The following LDAH variants were observed in gnomAD, a reference collection of about 807,000 sequenced individuals.
LDAH encodes the protein lipid droplet associated hydrolase, also known as lipid droplet-associated hydrolase.
LDAH carries 26 observed loss-of-function variants against 29.6 expected under a neutral mutation model. That is an observed-to-expected ratio of 0.88 (90% CI 0.64 to 1.22). The LOEUF (loss-of-function observed/expected upper bound fraction) is 1.22. Among genes scored for constraint, LDAH ranks in the 50% most tolerant of loss-of-function variants. The pLI is 0.00. For missense variants in LDAH, 344 were observed against 387.3 expected, an observed-to-expected ratio of 0.89 and a Z score of 0.94; for synonymous variants, 117 against 133.0, an observed-to-expected ratio of 0.88 and a Z score of 0.83.
rs533740606 is a variant in LDAH, at chr2:20,740,713, T to G, written c.469-508A>C. Among the ~76,000 whole-genome samples, 218 of 152,350 alleles carry G rather than the reference T, an allele frequency of 1.4e-3. 4 individuals carry two copies. The South Asian group carries it at 0.042, about 29-fold the overall frequency. On this transcript the variant is annotated intron_variant, in intron 4 of 6. Transcript: ENST00000237822. ...GGAAATACTGGTTGCTTGTAAGTTT[T>G]GGCAATTATGAATAAAGCTGCTATA...
chr2:20,754,769 T>A lies in LDAH; in HGVS notation c.469-14564A>T, dbSNP rs565993887. 2.2e-3 allele frequency among the ~76,000 whole-genome samples: 330 copies of A among 152,230 alleles called. 3 individuals are homozygous for A. The highest frequency in any genetic ancestry group is 7.5e-3 in the African/African-American group (313 of 41,534). ...AGGATAATCTCTTTTTAAAAAGGAATTATATTCTTCAAAATGTCAGTTTTA... is the reference window on the plus strand; with the variant it reads ...AGGATAATCTCTTTTTAAAAAGGAAATATATTCTTCAAAATGTCAGTTTTA... On this transcript the variant is annotated intron_variant, in intron 4 of 6. Transcript: ENST00000237822.
At chr2:20,710,606 G>GTGTGTGTATATATATATA (rs1467950593) in intron 5 of LDAH, among the ~76,000 whole-genome samples, 1 of 131,874 alleles carries the variant, frequency 7.6e-6, no homozygotes, top group African/African-American at 2.8e-5. Flanking sequence ...GTGTGTGTGT[G>GTGTGTGTATATATATATA]TATATATATA....
At chr2:20,716,390 T>C (rs953209236) in intron 5 of LDAH, among the ~76,000 whole-genome samples, 1 of 152,054 alleles carries the variant, frequency 6.6e-6, no homozygotes, top group African/African-American at 2.4e-5. Context: ...TGGAATACTA[T>C]GCAGCCATAA....
Position 20,790,295 on chromosome 2 carries a change from C to T in LDAH, c.258G>A (p.Ala86=), listed in dbSNP as rs778864553. The change falls in exon 3 of 7, where the codon GCG becomes GCA. Residue 86 remains alanine, a synonymous_variant. Coordinates refer to ENST00000237822, the MANE Select transcript of LDAH (RefSeq NM_021925.4). ...PVWTISHAGH[A]LAPKDKKILT... is the part of the protein sequence containing the mutation. ...GAATCTTCTTGTCTTTGGGAGCCAA[C>T]GCATGCCCAGCATGACTGATAGTCC... 2.9e-5 allele frequency: 46 copies of T among 1,614,016 alleles called. No individual in the cohort carries two copies. Among genetic ancestry groups the T allele is most frequent in the Middle Eastern group, 1.6e-4 (1 of 6,084 alleles).
At chr2:20,756,264 A>G (rs1051373084) in intron 4 of LDAH, among the ~76,000 whole-genome samples, 1 of 151,876 alleles carries the variant, frequency 6.6e-6, no homozygotes, top group African/African-American at 2.4e-5. Flanking sequence ...CGAACTCCTG[A>G]CCTCAGGTGA....
At chr2:20,769,538 T>C (rs987664631) in intron 4 of LDAH, among the ~76,000 whole-genome samples, 10 of 152,198 alleles carry the variant, frequency 6.6e-5, no homozygotes, top group African/African-American at 2.4e-4. Context: ...TAAACCACAG[T>C]CTCAATAATC....
At chr2:20,795,096 A>C (rs1266411514) in intron 2 of LDAH, among the ~76,000 whole-genome samples, 1 of 152,234 alleles carries the variant, frequency 6.6e-6, no homozygotes, top group Non-Finnish European at 1.5e-5. Flanking sequence ...CAGACATGCA[A>C]GTAAAATATT....
At chr2:20,786,945 C>T (rs998854957) in intron 3 of LDAH, among the ~76,000 whole-genome samples, 4 of 152,144 alleles carry the variant, frequency 2.6e-5, no homozygotes, top group African/African-American at 9.7e-5. Context: ...TTCTCTTCCA[C>T]TCCTAACAAA....
chr2:20,757,282 GC>G (rs955245875), intron 4 of LDAH, among the ~76,000 whole-genome samples: 1 of 152,134 alleles, frequency 6.6e-6, no homozygotes, highest in Non-Finnish European at 1.5e-5. Flanking sequence ...GGAATTGTGT[GC>G]CCATAAAAGA....
intron 5 of LDAH, among the ~76,000 whole-genome samples, chr2:20,714,122 T>C (rs1196894450): frequency 6.6e-6 from 1 of 152,148 alleles, no homozygotes; most frequent in African/African-American, 2.4e-5. Context: ...ATTGACCCCA[T>C]AGTTGGAAGT....
rs560922907 is a variant in LDAH, at chr2:20,748,430, A to T, written c.469-8225T>A. ...AAACTTAGCTTCAATATCTTCCTATAGCCCATTCTTCTCAAGCTTTTATCA... is the reference window on the plus strand; with the variant it reads ...AAACTTAGCTTCAATATCTTCCTATTGCCCATTCTTCTCAAGCTTTTATCA... On this transcript the variant is annotated intron_variant, in intron 4 of 6. Coordinates refer to ENST00000237822, the MANE Select transcript of LDAH (RefSeq NM_021925.4). 2.3e-4 allele frequency among the ~76,000 whole-genome samples: 35 copies of T among 152,322 alleles called. No individual in the cohort carries two copies. The South Asian group carries it at 7.2e-3, about 32-fold the overall frequency.
intron 4 of LDAH, among the ~76,000 whole-genome samples, chr2:20,773,354 C>G (rs913948065): frequency 5.9e-5 from 9 of 151,822 alleles, no homozygotes; most frequent in Non-Finnish European, 1.3e-4. Flanking sequence ...ACCTAGGTGT[C>G]CTGATTCTAC....
intron 4 of LDAH, among the ~76,000 whole-genome samples, chr2:20,774,495 T>G (rs1669653217): frequency 6.6e-6 from 1 of 152,214 alleles, no homozygotes; most frequent in African/African-American, 2.4e-5. Context: ...AGGTCTTACC[T>G]AGTGACCGCT....
chr2:20,749,599 C>T (rs192732123), intron 4 of LDAH, among the ~76,000 whole-genome samples: 4 of 152,298 alleles, frequency 2.6e-5, no homozygotes, highest in African/African-American at 9.6e-5. Flanking sequence ...CCCCAGGACA[C>T]TCTCAGCGTC....
chr2:20,747,396 C>CA (rs1394160087), intron 4 of LDAH, among the ~76,000 whole-genome samples: 1 of 151,928 alleles, frequency 6.6e-6, no homozygotes, highest in African/African-American at 2.4e-5. Flanking sequence ...AGAAAACAAA[C>CA]AAAAAAATAG....
intron 1 of LDAH, among the ~76,000 whole-genome samples, chr2:20,808,532 C>T (rs963882337): frequency 5.3e-5 from 8 of 151,786 alleles, no homozygotes; most frequent in Admixed American, 3.3e-4. Context: ...GGCGTGGTGG[C>T]GGGCGTCTAT....
At chr2:20,800,640 A>T (rs914344444) in intron 2 of LDAH, among the ~76,000 whole-genome samples, 31 of 151,888 alleles carry the variant, frequency 2.0e-4, no homozygotes, top group African/African-American at 7.0e-4. Flanking sequence ...TTATTTTTTT[A>T]AATATTTTTT....
At chr2:20,795,945 C>CCACACACA (rs57619975) in intron 2 of LDAH, among the ~76,000 whole-genome samples, 11 of 141,900 alleles carry the variant, frequency 7.8e-5, no homozygotes, top group African/African-American at 2.4e-4. Flanking sequence ...CCGAAACCTG[C>CCACACACA]CACACACACA....
chr2:20,728,235 A>G (rs1293933782), intron 5 of LDAH, among the ~76,000 whole-genome samples: 1 of 152,160 alleles, frequency 6.6e-6, no homozygotes, highest in Admixed American at 6.5e-5. Context: ...ATCTGCAAAC[A>G]CTGCAAAGCC....
Sources: gnomAD v4.1 joint callset for allele counts (sites outside exome capture counted in the v4.1 genomes callset) on GRCh38, gnomAD v4.1.1 for gene constraint, MANE v1.5 for transcripts, NCBI Gene and HGNC (gene_info 2026-07-23, HGNC 2026-07-21) for gene names.